DNAJB12: variants seen among roughly 807,000 people sequenced by gnomAD.
DNAJB12 encodes the protein DnaJ heat shock protein family (Hsp40) member B12.
DNAJB12 carries 14 observed loss-of-function variants against 40.6 expected under a neutral mutation model. That is an observed-to-expected ratio of 0.34 (90% CI 0.23 to 0.54). The LOEUF (loss-of-function observed/expected upper bound fraction) is 0.54, where lower values mean the gene tolerates loss of function less well. Among genes scored for constraint, DNAJB12 ranks in the 20% least tolerant of loss-of-function variants. DNAJB12 has a pLI of 0.92. For missense variants in DNAJB12, 444 were observed against 501.7 expected, an observed-to-expected ratio of 0.89 and a Z score of 1.10; for synonymous variants, 181 against 199.5, an observed-to-expected ratio of 0.91 and a Z score of 0.78.
chr10:72,337,035 C>G (rs1166730267), intron 6 of DNAJB12, among the ~76,000 whole-genome samples: 1 of 152,212 alleles, frequency 6.6e-6, no homozygotes, highest in East Asian at 1.9e-4. Context: ...CATTCATCCC[C>G]TAAGCCAATT....
At chr10:72,350,110 A>T (rs1477739713) in intron 1 of DNAJB12, among the ~76,000 whole-genome samples, 1 of 152,014 alleles carries the variant, frequency 6.6e-6, no homozygotes, top group Non-Finnish European at 1.5e-5. Context: ...CCCAGACTAG[A>T]GTTAGATTTG....
intron 1 of DNAJB12, among the ~76,000 whole-genome samples, chr10:72,350,845 T>G (rs1861917792): frequency 6.6e-6 from 1 of 152,164 alleles, no homozygotes; most frequent in Admixed American, 6.5e-5. Context: ...GGGGGCTAAG[T>G]GCACAGTGGG....
In DNAJB12 at chr10:72,336,516, A is replaced by C. The variant is rs1013547440; in HGVS notation, c.1006+8T>G. ...CAAATACAGCCCCCGCCTTCCCCCC[A>C]CACTCACTCTGCTGCTTCTCCTTCC... On this transcript the variant is annotated splice_region_variant and intron_variant, in intron 7 of 8. Transcript: ENST00000444643. The C allele has an allele frequency of 3.1e-6, 5 of 1,612,408 alleles. No individual in the cohort carries two copies. In the Admixed American group the frequency reaches 6.7e-5, roughly 22 times the overall value.
chr10:72,342,421 C>G (rs763760933), intron 3 of DNAJB12, among the ~76,000 whole-genome samples: 66 of 152,242 alleles, frequency 4.3e-4, no homozygotes, highest in Admixed American at 7.8e-4. Context: ...AAGGCCAGAG[C>G]TGGCCTCTCG....
At chr10:72,343,246 TG>T in intron 3 of DNAJB12, 119 bp downstream of exon 3, 4 of 1,307,786 alleles carry the variant, frequency 3.1e-6, no homozygotes, top group Non-Finnish European at 4.2e-6. Flanking sequence ...CTGGGCAACT[TG>T]GGCCCAAGGC....
At chr10:72,334,933 G>A (rs1861427030) in intron 8 of DNAJB12, 2 of 1,211,782 alleles carry the variant, frequency 1.7e-6, no homozygotes, top group Non-Finnish European at 2.1e-6. Flanking sequence ...GGCCACCTCT[G>A]GCAAACGCTG....
chr10:72,340,761 C>A, intron 5 of DNAJB12, 28 bp downstream of exon 5: 1 of 1,610,396 alleles, frequency 6.2e-7, no homozygotes, highest in Non-Finnish European at 8.5e-7. Flanking sequence ...GCCCTTCCCG[C>A]GCTGTCCCTG....
chr10:72,347,558 C>T (rs1401859743), intron 1 of DNAJB12, among the ~76,000 whole-genome samples: 1 of 152,232 alleles, frequency 6.6e-6, no homozygotes, highest in Non-Finnish European at 1.5e-5. Context: ...GCCAAATGTC[C>T]TCTTCAATGT....
rs939687430 is a variant in DNAJB12 at position 72,334,776 on chromosome 10, A to G, written c.*31-159T>C. 5 of 1,397,456 alleles carry G rather than the reference A, an allele frequency of 3.6e-6. No homozygotes were observed. The African/African-American group carries it at 7.6e-5, about 21-fold the overall frequency. The allele number at this position is 1,397,456 out of a possible 1,614,324, so 86.6% of individuals were successfully genotyped here. A position where few individuals can be genotyped will look rare whatever the true frequency, so the allele number is the denominator to read the frequency against. ...TTGCGGCCTGCCCTCCTGCGGCAGC[A>G]CAGAGGCAGGCACAAATGGCCTCCA... On this transcript the variant is annotated intron_variant, in intron 8 of 8. Transcript: ENST00000444643.
In DNAJB12 at chr10:72,335,295, G is replaced by A. The variant is rs7894262; in HGVS notation, c.*30+485C>T. ...CTCCTAGCTGGAGGGATGGAGAAAG[G>A]GGAGGGCTCTTGGCCCACCTATTCC... On this transcript the variant is annotated intron_variant, in intron 8 of 8. Coordinates refer to ENST00000444643, the MANE Select transcript of DNAJB12 (RefSeq NM_017626.7). The surrounding 1 kb of genome is among the most constrained non-coding windows in gnomAD (Gnocchi z 4.4). 46,537 of 987,580 alleles carry A rather than the reference G, an allele frequency of 0.047. 3,564 individuals are homozygous for A. Among genetic ancestry groups the A allele is most frequent in the African/African-American group, 0.32 (18,608 of 57,326 alleles). The allele number at this position is 987,580 out of a possible 1,614,324, so 61.2% of individuals were successfully genotyped here.
chr10:72,349,175 T>C (rs1030496303), intron 1 of DNAJB12, among the ~76,000 whole-genome samples: 1 of 152,106 alleles, frequency 6.6e-6, no homozygotes, highest in African/African-American at 2.4e-5. Flanking sequence ...GAAATCTCTC[T>C]GAACCCTGGT....
In DNAJB12 at chr10:72,354,863, A is replaced by T; in HGVS notation, c.35T>A (p.Ile12Asn). 1 of 1,614,108 alleles carries T rather than the reference A, an allele frequency of 6.2e-7. No individual in the cohort carries two copies. Among genetic ancestry groups the T allele is most frequent in the Admixed American group, 1.7e-5 (1 of 60,026 alleles). ...ESNKDEAERC[I>N]SIALKAIQSN... is the part of the protein sequence containing the mutation. ...CTGGATGGCCTTGAGGGCGATGCTG[A>T]TACAGCGCTCAGCTTCATCCTTGTT... Residue 12 changes from isoleucine (I) to asparagine (N), a missense_variant, in exon 1 of 9, where the codon ATC becomes AAC. Transcript: ENST00000444643.
At chr10:72,337,805 AG>A (rs375409359) in intron 6 of DNAJB12, among the ~76,000 whole-genome samples, 1 of 152,088 alleles carries the variant, frequency 6.6e-6, no homozygotes, top group Non-Finnish European at 1.5e-5. Context: ...CAGGGTTGGC[AG>A]GGGAGATGGG....
rs202154419 is a variant in DNAJB12, at chr10:72,346,959, TG to T, written c.134-1833del. Among the ~76,000 whole-genome samples the T allele has an allele frequency of 5.0e-4, 76 of 151,782 alleles. 1 individual carries two copies. The South Asian group carries it at 0.014, about 28-fold the overall frequency. ...CTGCACTACTCCCTATTTTTACCAT[TG>T]GTTTTTTTTTTTTTTCTTTTTTGAG... On this transcript the variant is annotated intron_variant, in intron 1 of 8. Transcript: ENST00000444643.
rs111818261 is a variant in DNAJB12, at chr10:72,348,328, A to G, written c.134-3201T>C. ...CCTGTGTCCATTTATTCCAGGCACG[A>G]AACCTCAGTCAGGCCTGGGCCCCAG... is the stretch of plus-strand genomic sequence containing the variant. On this transcript the variant is annotated intron_variant, in intron 1 of 8. Coordinates refer to ENST00000444643, the MANE Select transcript of DNAJB12 (RefSeq NM_017626.7). 2.0e-3 allele frequency among the ~76,000 whole-genome samples: 302 copies of G among 152,370 alleles called. 1 individual carries two copies. Among genetic ancestry groups the G allele is most frequent in the Middle Eastern group, 0.01 (3 of 294 alleles).
intron 1 of DNAJB12, among the ~76,000 whole-genome samples, chr10:72,347,109 T>C (rs550885174): frequency 2.0e-5 from 3 of 151,956 alleles, no homozygotes; most frequent in Non-Finnish European, 4.4e-5. Flanking sequence ...GAATTACAGG[T>C]GCACACCACC....
rs188359793 is a variant in DNAJB12 at position 72,334,504 on chromosome 10, G to T, written c.*144C>A. 1 of 1,461,650 alleles carries T rather than the reference G, an allele frequency of 6.8e-7. No individual in the cohort carries two copies. Among genetic ancestry groups the T allele is most frequent in the South Asian group, 1.2e-5 (1 of 82,520 alleles). 90.5% of individuals were successfully genotyped at this position (1,461,650 alleles called of 1,614,324 possible). ...GTGAGAGAGAGGGCAGCTGTGCAGC[G>T]TTCGGCCTCCAATTCCATTTTAATT... On this transcript the variant is annotated 3_prime_UTR_variant, in exon 9 of 9. Coordinates refer to ENST00000444643, the MANE Select transcript of DNAJB12 (RefSeq NM_017626.7).
chr10:72,344,596 G>T (rs1242929659), intron 2 of DNAJB12, among the ~76,000 whole-genome samples: 1 of 152,238 alleles, frequency 6.6e-6, no homozygotes, highest in Non-Finnish European at 1.5e-5. Flanking sequence ...GGTTGGGGTA[G>T]AATCTGGAGG....
chr10:72,342,739 T>C (rs1253432992), intron 3 of DNAJB12, among the ~76,000 whole-genome samples: 2 of 152,238 alleles, frequency 1.3e-5, no homozygotes, highest in South Asian at 2.1e-4. Flanking sequence ...CAATGAGAAA[T>C]TGCAGTGCAC....
Sources: allele counts gnomAD v4.1 joint callset (sites outside exome capture counted in the v4.1 genomes callset), GRCh38; gene constraint gnomAD v4.1.1; non-coding constraint Gnocchi (gnomAD v3.1); transcripts MANE v1.5; gene names NCBI Gene and HGNC (gene_info 2026-07-23, HGNC 2026-07-21).